KIFAP3: variants seen among roughly 807,000 people sequenced by gnomAD.
The protein encoded by KIFAP3 is kinesin-associated protein 3.
Under a neutral mutation model 106.5 loss-of-function variants are expected in KIFAP3, and 68 were observed. The ratio of observed to expected loss-of-function variants is 0.64; its 90% CI spans 0.53 to 0.78. The LOEUF (loss-of-function observed/expected upper bound fraction) is 0.78, where lower values mean the gene tolerates loss of function less well. Among genes scored for constraint, KIFAP3 ranks in the 30% least tolerant of loss-of-function variants. KIFAP3 has a pLI of 0.00. For missense variants in KIFAP3, 780 were observed against 941.8 expected (o/e 0.83, Z 2.25); for synonymous variants, 320 against 311.5 (o/e 1.03, Z -0.29).
chr1:169,922,988 TG>T (rs1308435655), intron 19 of KIFAP3: 1 of 421,598 alleles, frequency 2.4e-6, no homozygotes, highest in Non-Finnish European at 3.2e-6. Context: ...TGTGTGTGTT[TG>T]TGTGCACGCG....
At chr1:170,017,814 G>A (rs78893394) in intron 9 of KIFAP3, among the ~76,000 whole-genome samples, 76 of 152,290 alleles carry the variant, frequency 5.0e-4, no homozygotes, top group Middle Eastern at 3.4e-3. Flanking sequence ...TTTCTGTATG[G>A]TCAATAAGGT....
chr1:170,055,936 A>G (rs1427365549), intron 1 of KIFAP3, among the ~76,000 whole-genome samples: 1 of 152,138 alleles, frequency 6.6e-6, no homozygotes, highest in Non-Finnish European at 1.5e-5. Context: ...GTTTGAGACC[A>G]GCCCAGGTAA....
At chr1:169,922,167 G>GTC (rs1662863527) in intron 19 of KIFAP3, among the ~76,000 whole-genome samples, 1 of 152,110 alleles carries the variant, frequency 6.6e-6, no homozygotes, top group Non-Finnish European at 1.5e-5. Flanking sequence ...CTGTAGTAAA[G>GTC]TGAGTTTTGC....
chr1:170,026,231 T>A (rs1458342987), intron 8 of KIFAP3, among the ~76,000 whole-genome samples: 1 of 152,112 alleles, frequency 6.6e-6, no homozygotes, highest in Non-Finnish European at 1.5e-5. Context: ...CCTTCCCCCA[T>A]CCAGAGCTAT....
chr1:169,953,561 C>A (rs1664839772), intron 19 of KIFAP3, among the ~76,000 whole-genome samples: 1 of 152,168 alleles, frequency 6.6e-6, no homozygotes, highest in South Asian at 2.1e-4. Flanking sequence ...GTCACCCAGG[C>A]TGGAGTGCAG....
chr1:169,961,671 CTCT>C (rs1222524705), intron 17 of KIFAP3, among the ~76,000 whole-genome samples: 1 of 152,056 alleles, frequency 6.6e-6, no homozygotes, highest in Non-Finnish European at 1.5e-5. Context: ...CCAAGCCCTC[CTCT>C]TCTTTCTCCT....
chr1:170,024,378 G>T (rs747372002), intron 9 of KIFAP3, 40 bp downstream of exon 9: 10 of 1,309,218 alleles, frequency 7.6e-6, no homozygotes, highest in Admixed American at 7.1e-5. Flanking sequence ...CTTGAAAATG[G>T]CAAAAATGAA....
chr1:170,010,009 G>A (rs375234175), intron 10 of KIFAP3, among the ~76,000 whole-genome samples: 1 of 152,072 alleles, frequency 6.6e-6, no homozygotes, highest in Admixed American at 6.6e-5. Context: ...CAATGGCTAT[G>A]ATAGATCTCC....
intron 19 of KIFAP3, among the ~76,000 whole-genome samples, chr1:169,945,695 T>C (rs1397399726): frequency 6.6e-6 from 1 of 152,176 alleles, no homozygotes; most frequent in Non-Finnish European, 1.5e-5. Context: ...CAACTTCTCT[T>C]GTTTCTAAAG....
intron 8 of KIFAP3, among the ~76,000 whole-genome samples, chr1:170,024,902 G>A (rs976188397): frequency 3.3e-5 from 5 of 151,952 alleles, no homozygotes; most frequent in Non-Finnish European, 4.4e-5. Flanking sequence ...GAGTTTAATA[G>A]AAATCAAATG....
chr1:170,076,403 G>A (rs1020924124), upstream of KIFAP3, among the ~76,000 whole-genome samples: 1 of 152,180 alleles, frequency 6.6e-6, no homozygotes, highest in Non-Finnish European at 1.5e-5. Flanking sequence ...CATAGTCAGA[G>A]ACTAAGAAGA....
At chr1:169,998,381 G>T (rs1183660676) in intron 10 of KIFAP3, among the ~76,000 whole-genome samples, 2 of 136,906 alleles carry the variant, frequency 1.5e-5, no homozygotes, top group African/African-American at 2.8e-5. Context: ...TGCTTCACCA[G>T]ATATATATAT....
chr1:169,999,413 A>G (rs1465033079), intron 10 of KIFAP3, among the ~76,000 whole-genome samples: 2 of 152,196 alleles, frequency 1.3e-5, no homozygotes, highest in Admixed American at 1.3e-4. Flanking sequence ...CGGCATCCCA[A>G]GTAAAAACAG....
intron 19 of KIFAP3, among the ~76,000 whole-genome samples, chr1:169,926,874 T>G (rs1186581298): frequency 2.0e-5 from 3 of 152,166 alleles, no homozygotes; most frequent in African/African-American, 7.2e-5. Flanking sequence ...CAGGTAATAT[T>G]GAAGGCTGGA....
intron 1 of KIFAP3, among the ~76,000 whole-genome samples, chr1:170,061,347 G>A (rs1671143099): frequency 6.6e-6 from 1 of 152,180 alleles, no homozygotes; most frequent in South Asian, 2.1e-4. Flanking sequence ...CAAAAAGTGG[G>A]TGAAGGATAT....
At chr1:170,016,672 G>A (rs1210905485) in intron 9 of KIFAP3, 48 bp from the exon 10 acceptor site, 3 of 1,122,166 alleles carry the variant, frequency 2.7e-6, no homozygotes, top group South Asian at 3.6e-5. Context: ...TTGCAAAATA[G>A]GACAAAAAGA....
intron 19 of KIFAP3, among the ~76,000 whole-genome samples, chr1:169,940,710 A>C (rs1313798105): frequency 1.3e-5 from 2 of 152,214 alleles, no homozygotes; most frequent in African/African-American, 4.8e-5. Flanking sequence ...CCAACAGGCC[A>C]TGGACAGGTA....
At chr1:170,061,693 G>A (rs1671165930) in intron 1 of KIFAP3, among the ~76,000 whole-genome samples, 1 of 152,072 alleles carries the variant, frequency 6.6e-6, no homozygotes, top group Admixed American at 6.6e-5. Flanking sequence ...AAATCATGCT[G>A]CTATAAAGAC....
At chr1:169,990,126 A>G in intron 11 of KIFAP3, 2 of 1,494,700 alleles carry the variant, frequency 1.3e-6, no homozygotes, top group South Asian at 1.2e-5. Context: ...CTCTTCTCCA[A>G]TCAGTGCATA....
Sources: allele counts gnomAD v4.1 joint callset (sites outside exome capture counted in the v4.1 genomes callset), GRCh38; gene constraint gnomAD v4.1.1; transcripts MANE v1.5; gene names NCBI Gene and HGNC (gene_info 2026-07-23, HGNC 2026-07-21).